Variants in DPYD observed in about 807,000 individuals in gnomAD.
DPYD encodes dihydropyrimidine dehydrogenase [NADP(+)].
In DPYD, 109 loss-of-function variants were observed where a neutral mutation model predicts 116.2. The ratio of observed to expected loss-of-function variants is 0.94; its 90% CI spans 0.80 to 1.10. DPYD has a LOEUF of 1.10. Among genes scored for constraint, DPYD ranks in the 50% least tolerant of loss-of-function variants. The pLI is 0.00. For synonymous variants in DPYD, 440 were observed against 432.0 expected (o/e 1.02, Z -0.23); for missense variants, 1,302 against 1,254.5 (o/e 1.04, Z -0.57).
At chr1:97,292,698 G>A (rs546496090) in intron 18 of DPYD, among the ~76,000 whole-genome samples, 110 of 141,394 alleles carry the variant, frequency 7.8e-4, no homozygotes, top group Middle Eastern at 3.8e-3. Context: ...ACACACATGC[G>A]TGCACGCGCG....
At chr1:97,823,215 CG>C (rs1368201541) in intron 3 of DPYD, among the ~76,000 whole-genome samples, 1 of 151,956 alleles carries the variant, frequency 6.6e-6, no homozygotes, top group Non-Finnish European at 1.5e-5. Context: ...AGGGCAGTGG[CG>C]TGATCTCTGC....
At chr1:97,678,778 G>A (rs1280113004) in intron 8 of DPYD, among the ~76,000 whole-genome samples, 1 of 152,096 alleles carries the variant, frequency 6.6e-6, no homozygotes, top group Non-Finnish European at 1.5e-5. Context: ...GAAAGCTACA[G>A]CCTCTAGACA....
chr1:97,788,979 T>C (rs190511085), intron 3 of DPYD, among the ~76,000 whole-genome samples: 3 of 152,056 alleles, frequency 2.0e-5, no homozygotes, highest in African/African-American at 7.3e-5. Context: ...AATTTTTGTA[T>C]TTTTTGTAGA....
intron 20 of DPYD, among the ~76,000 whole-genome samples, chr1:97,178,346 T>C (rs1261021742): frequency 2.6e-5 from 4 of 152,074 alleles, no homozygotes; most frequent in Admixed American, 6.6e-5. Context: ...ACTGGGTAAT[T>C]TACAAAAGAG....
At chr1:97,186,300 A>G (rs544526855) in intron 20 of DPYD, among the ~76,000 whole-genome samples, 2 of 152,148 alleles carry the variant, frequency 1.3e-5, no homozygotes, top group African/African-American at 2.4e-5. Context: ...GATATATTGC[A>G]TAGTGGTGAA....
Position 97,267,963 on chromosome 1 carries a change from A to G in DPYD, c.2300-32969T>C, listed in dbSNP as rs1460413445. Among the ~76,000 whole-genome samples, 3 of 152,136 alleles carry G rather than the reference A, an allele frequency of 2.0e-5. No homozygotes were observed. The East Asian group carries it at 5.8e-4, about 29-fold the overall frequency. On this transcript the variant is annotated intron_variant, in intron 18 of 22. Transcript: ENST00000370192. Reference sequence around the variant, plus strand: ...ACAATTCATCTTGAGGCAAATTCCCATCAGTCTGGGAAATCGAACAAGTTA... The same window carrying G: ...ACAATTCATCTTGAGGCAAATTCCCGTCAGTCTGGGAAATCGAACAAGTTA...
chr1:97,547,050 G>T (rs1270925209), intron 12 of DPYD: 9 of 1,159,222 alleles, frequency 7.8e-6, no homozygotes, highest in Non-Finnish European at 1.2e-5. Flanking sequence ...AAACAGTACA[G>T]AACTGATGTT....
At chr1:97,791,198 A>G (rs2101268711) in intron 3 of DPYD, among the ~76,000 whole-genome samples, 1 of 152,290 alleles carries the variant, frequency 6.6e-6, no homozygotes, top group South Asian at 2.1e-4. Flanking sequence ...TGTGGGATGT[A>G]TTGTATTTCC....
chr1:97,435,060 A>G (rs1675396949), intron 14 of DPYD, among the ~76,000 whole-genome samples: 1 of 151,950 alleles, frequency 6.6e-6, no homozygotes, highest in Non-Finnish European at 1.5e-5. Flanking sequence ...TGTTTCTTCT[A>G]CTTTCCTTAA....
intron 16 of DPYD, among the ~76,000 whole-genome samples, chr1:97,309,697 A>G (rs533973784): frequency 2.0e-5 from 3 of 151,794 alleles, no homozygotes; most frequent in Non-Finnish European, 2.9e-5. Flanking sequence ...ATAGATTCCT[A>G]TGAAAATCAA....
chr1:97,090,849 A>T (rs2101578356), intron 21 of DPYD, among the ~76,000 whole-genome samples: 1 of 152,270 alleles, frequency 6.6e-6, no homozygotes, highest in Middle Eastern at 3.4e-3. Context: ...TGAGCCTTGG[A>T]CCATGCCGTG....
At chr1:97,847,185 A>C (rs1164188655) in intron 2 of DPYD, among the ~76,000 whole-genome samples, 1 of 152,206 alleles carries the variant, frequency 6.6e-6, no homozygotes, top group Non-Finnish European at 1.5e-5. Context: ...CTTTCTTCCC[A>C]GGAACCACAA....
chr1:97,780,642 G>C (rs1340561913), intron 3 of DPYD, among the ~76,000 whole-genome samples: 4 of 152,134 alleles, frequency 2.6e-5, no homozygotes, highest in Non-Finnish European at 5.9e-5. Flanking sequence ...TCAGAAGGAG[G>C]TATATTCTAA....
chr1:97,262,865 G>A (rs533903965), intron 18 of DPYD, among the ~76,000 whole-genome samples: 1 of 152,100 alleles, frequency 6.6e-6, no homozygotes, highest in African/African-American at 2.4e-5. Context: ...CATGATAAGG[G>A]CTAGTATATT....
intron 20 of DPYD, among the ~76,000 whole-genome samples, chr1:97,168,397 A>G (rs1426627884): frequency 1.3e-5 from 2 of 152,186 alleles, no homozygotes; most frequent in Non-Finnish European, 2.9e-5. Context: ...TTGTTTTATC[A>G]TCAGTTAAAG....
intron 13 of DPYD, among the ~76,000 whole-genome samples, chr1:97,485,433 C>A (rs1280314762): frequency 6.6e-6 from 1 of 152,200 alleles, no homozygotes; most frequent in Non-Finnish European, 1.5e-5. Flanking sequence ...AACTCCTGAG[C>A]TCAGGTGATC....
chr1:97,223,621 G>A (rs1660923223), intron 19 of DPYD, among the ~76,000 whole-genome samples: 1 of 151,976 alleles, frequency 6.6e-6, no homozygotes, highest in Non-Finnish European at 1.5e-5. Flanking sequence ...TATCTATAGA[G>A]GAAGGTGAAC....
chr1:97,735,520 CAAAA>C (rs767245436), intron 4 of DPYD, among the ~76,000 whole-genome samples: 1 of 99,910 alleles, frequency 1.0e-5, no homozygotes. Context: ...AATAAAAATA[CAAAA>C]AAAAAAAAAA....
intron 20 of DPYD, among the ~76,000 whole-genome samples, chr1:97,144,404 T>G (rs759226097): frequency 1.2e-4 from 19 of 152,204 alleles, no homozygotes; most frequent in Non-Finnish European, 2.6e-4. Context: ...TCTCTGGTCA[T>G]TCTACACGAA....
Sources: allele counts gnomAD v4.1 joint callset (sites outside exome capture counted in the v4.1 genomes callset), GRCh38; gene constraint gnomAD v4.1.1; transcripts MANE v1.5; gene names NCBI Gene and HGNC (gene_info 2026-07-23, HGNC 2026-07-21).